PHACTR2: variants seen among roughly 807,000 people sequenced by gnomAD.
PHACTR2 encodes the protein phosphatase and actin regulator 2, also known as chromosome 6 open reading frame 56.
Under a neutral mutation model 76.0 loss-of-function variants are expected in PHACTR2, and 30 were observed. That is an observed-to-expected ratio of 0.39 (90% CI 0.30 to 0.54). PHACTR2 has a LOEUF of 0.54. Among genes scored for constraint, PHACTR2 ranks in the 20% least tolerant of loss-of-function variants. PHACTR2 has a pLI of 0.61. For missense variants in PHACTR2, 696 were observed against 781.1 expected, an observed-to-expected ratio of 0.89 and a Z score of 1.30; for synonymous variants, 292 against 292.5, an observed-to-expected ratio of 1.00 and a Z score of 0.02.
At chr6:143,744,406 G>A (rs951442510) in intron 2 of PHACTR2, among the ~76,000 whole-genome samples, 12 of 152,324 alleles carry the variant, frequency 7.9e-5, no homozygotes, top group African/African-American at 2.6e-4. Flanking sequence ...ACAGCAGTAA[G>A]CAAAACAGAA....
chr6:143,681,756 T>G (rs6916245), intron 1 of PHACTR2, among the ~76,000 whole-genome samples: 64,565 of 152,108 alleles, frequency 0.42, 13,730 homozygotes, highest in South Asian at 0.55. Flanking sequence ...TGAGTTAATT[T>G]TTATGTATGG....
upstream of PHACTR2, among the ~76,000 whole-genome samples, chr6:143,673,150 C>T (rs1240426657): frequency 2.6e-5 from 4 of 152,130 alleles, no homozygotes; most frequent in Non-Finnish European, 2.9e-5. Context: ...TATCCTTATG[C>T]CCATGTGCTA....
chr6:143,781,750 A>T (rs1775438675), intron 9 of PHACTR2, among the ~76,000 whole-genome samples: 1 of 152,226 alleles, frequency 6.6e-6, no homozygotes, highest in African/African-American at 2.4e-5. Flanking sequence ...ATGAAAGGAT[A>T]TATATTTTGT....
rs1482907710 is a variant in PHACTR2, at chr6:143,765,522, C to T, written c.956C>T (p.Thr319Ile). Residue 319 changes from threonine to isoleucine, a missense_variant, in exon 6 of 13, where the codon ACT becomes ATT. This residue lies in a region of PHACTR2 where 460 missense variants were observed against 450.9 expected (regional missense o/e 1.02). Coordinates refer to ENST00000440869, the MANE Select transcript of PHACTR2 (RefSeq NM_001100164.2). The surrounding 1 kb of genome is among the most constrained non-coding windows in gnomAD (Gnocchi z 4.1). ...TRVESFKLEQ[T>I]VPGAEEQNTG... ...GTGGAGAGTTTCAAACTCGAACAGACTGTCCCTGGAGCTGAGGAGCAGAAC... is the reference window on the plus strand; with the variant it reads ...GTGGAGAGTTTCAAACTCGAACAGATTGTCCCTGGAGCTGAGGAGCAGAAC... 6.2e-7 allele frequency: 1 copy of T among 1,614,248 alleles called. No homozygotes were observed. The highest frequency in any genetic ancestry group is 1.7e-5 in the Admixed American group (1 of 60,030).
At position 143,557,218 on chromosome 6, in the gene PHACTR2, A is replaced by T. The variant is rs954446169; in HGVS notation, c.217+20011A>T. 6.6e-6 allele frequency among the ~76,000 whole-genome samples: 1 copy of T among 152,240 alleles called. No homozygotes were observed. Among genetic ancestry groups the T allele is most frequent in the Non-Finnish European group, 1.5e-5 (1 of 68,036 alleles). The stretch of plus-strand genomic sequence containing the variant: ...ATCATCATCATCACTAGTATTGCAG[A>T]GAAGTTTAAAAGGATTCTCATCTCT... On this transcript the variant is annotated intron_variant, in intron 1 of 11. Coordinates refer to the PHACTR2 transcript ENST00000367584. The surrounding 1 kb of genome is among the most constrained non-coding windows in gnomAD (Gnocchi z 5.5).
rs948944446 is a variant in PHACTR2, at chr6:143,828,037, C to G, written c.*4348C>G. 6.6e-6 allele frequency: 1 copy of G among 151,924 alleles called. No homozygotes were observed. Among genetic ancestry groups the G allele is most frequent in the Admixed American group, 6.6e-5 (1 of 15,256 alleles). The allele number at this position is 151,924 out of a possible 1,614,324, so 9.4% of individuals were successfully genotyped here. On this transcript the variant is annotated 3_prime_UTR_variant, in exon 13 of 13. Coordinates refer to ENST00000440869, the MANE Select transcript of PHACTR2 (RefSeq NM_001100164.2). The surrounding 1 kb of genome is among the most constrained non-coding windows in gnomAD (Gnocchi z 4.7). Reference sequence around the variant, plus strand: ...TGGTGGCTTGTGCCTGTAATCCCAGCTACTTGGGAGGCTGAGGCAGGGAAA... The same window carrying G: ...TGGTGGCTTGTGCCTGTAATCCCAGGTACTTGGGAGGCTGAGGCAGGGAAA...
chr6:143,614,600 T>C (rs536498146), intron 1 of PHACTR2, among the ~76,000 whole-genome samples: 1 of 152,330 alleles, frequency 6.6e-6, no homozygotes, highest in South Asian at 2.1e-4. Flanking sequence ...TATGTACATT[T>C]CATGTACATG....
At chr6:143,568,256 C>T (rs1775390581) in intron 1 of PHACTR2, among the ~76,000 whole-genome samples, 1 of 152,194 alleles carries the variant, frequency 6.6e-6, no homozygotes, top group Non-Finnish European at 1.5e-5. Flanking sequence ...CCTGAGTTTT[C>T]TCCTCCATGA....
Position 143,627,748 on chromosome 6 carries a change from C to T in PHACTR2, c.13+19426C>T, listed in dbSNP as rs531884707. Among the ~76,000 whole-genome samples, 1 of 151,960 alleles carries T rather than the reference C, an allele frequency of 6.6e-6. No individual in the cohort carries two copies. The highest frequency in any genetic ancestry group is 2.4e-5 in the African/African-American group (1 of 41,364). Reference sequence around the variant, plus strand: ...TCTCTAGTAGCTGGGACTACAGGCTCGTACCGCCACGCCCAGCTAATTTTT... The same window carrying T: ...TCTCTAGTAGCTGGGACTACAGGCTTGTACCGCCACGCCCAGCTAATTTTT... On this transcript the variant is annotated intron_variant, in intron 1 of 11. Transcript: ENST00000305766. This position sits in a 1 kb window ranked among gnomAD's most constrained non-coding sequence, Gnocchi z 4.3.
At chr6:143,655,157 C>CAAAAAAAAAAAAAA (rs151076366) in intron 1 of PHACTR2, among the ~76,000 whole-genome samples, 3 of 99,098 alleles carry the variant, frequency 3.0e-5, no homozygotes, top group Non-Finnish European at 4.0e-5. Context: ...AACTCCGTCT[C>CAAAAAAAAAAAAAA]AAAAAAAAAA....
In PHACTR2 at chr6:143,765,438, C is replaced by T; in HGVS notation, c.872C>T (p.Ser291Phe). 8 of 1,614,222 alleles carry T rather than the reference C, an allele frequency of 5.0e-6. No homozygotes were observed. The highest frequency in any genetic ancestry group is 6.8e-6 in the Non-Finnish European group (8 of 1,180,036). ...TDKQPITSHL[S>F]SDTTTSGTSD... Reference sequence around the variant, plus strand: ...AAGCAGCCAATAACTTCTCACCTGTCCTCAGACACAACAACTTCTGGCACA... The same window carrying T: ...AAGCAGCCAATAACTTCTCACCTGTTCTCAGACACAACAACTTCTGGCACA... The change falls in exon 6 of 13, where the codon TCC (serine) becomes TTC (phenylalanine). Residue 291 changes from serine (S) to phenylalanine (F), a missense_variant. Around this residue, in one of 2 missense-constraint regions of PHACTR2, gnomAD observed 460 missense variants for 450.9 expected, o/e 1.02. Transcript: ENST00000440869. The surrounding 1 kb of genome is among the most constrained non-coding windows in gnomAD (Gnocchi z 4.1).
Position 143,556,906 on chromosome 6 carries a change from G to T in PHACTR2, c.217+19699G>T, listed in dbSNP as rs559191622. On this transcript the variant is annotated intron_variant, in intron 1 of 11. Coordinates refer to the PHACTR2 transcript ENST00000367584. The surrounding 1 kb of genome is among the most constrained non-coding windows in gnomAD (Gnocchi z 4.3). ...ACTAATAAAAATGATGCACAAAGACGTGAGAAGATATGCTGCCTGTCTGTC... is the reference window on the plus strand; with the variant it reads ...ACTAATAAAAATGATGCACAAAGACTTGAGAAGATATGCTGCCTGTCTGTC... Among the ~76,000 whole-genome samples, 2 of 152,168 alleles carry T rather than the reference G, an allele frequency of 1.3e-5. No homozygotes were observed. Among genetic ancestry groups the T allele is most frequent in the African/African-American group, 4.8e-5 (2 of 41,434 alleles).
At position 143,704,724 on chromosome 6, in the gene PHACTR2, A is replaced by C. The variant is rs548773670; in HGVS notation, c.47-7292A>C. ...AATGTCGTCTTTTTTTTGTTCCAGG[A>C]TGCATTCAGGATGCCATGTTACATG... On this transcript the variant is annotated intron_variant, in intron 1 of 12. Coordinates refer to ENST00000440869, the MANE Select transcript of PHACTR2 (RefSeq NM_001100164.2). Among the ~76,000 whole-genome samples, 280 of 152,184 alleles carry C rather than the reference A, an allele frequency of 1.8e-3. 1 individual carries two copies. Among genetic ancestry groups the C allele is most frequent in the African/African-American group, 6.3e-3 (262 of 41,522 alleles).
rs12111223 is a variant in PHACTR2, at chr6:143,618,283, A to G, written c.13+9961A>G. On this transcript the variant is annotated intron_variant, in intron 1 of 11. Coordinates refer to the PHACTR2 transcript ENST00000305766. The surrounding 1 kb of genome is among the most constrained non-coding windows in gnomAD (Gnocchi z 5.2). Reference sequence around the variant, plus strand: ...CACACACACACACACACACACACACACACGCACACTCCAGAATGAGTTTCA... The same window carrying G: ...CACACACACACACACACACACACACGCACGCACACTCCAGAATGAGTTTCA... Among the ~76,000 whole-genome samples the G allele has an allele frequency of 2.6e-4, 39 of 147,468 alleles. No individual in the cohort carries two copies. The highest frequency in any genetic ancestry group is 6.9e-4 in the African/African-American group (28 of 40,790).
At chr6:143,637,609 A>T (rs1272221795) in intron 1 of PHACTR2, among the ~76,000 whole-genome samples, 1 of 152,234 alleles carries the variant, frequency 6.6e-6, no homozygotes, top group African/African-American at 2.4e-5. Context: ...GTCTTCTGCA[A>T]GGCTACACTT....
At position 143,825,285 on chromosome 6, in the gene PHACTR2, G is replaced by A. The variant is rs1487000773; in HGVS notation, c.*1596G>A. 2 of 152,194 alleles carry A rather than the reference G, an allele frequency of 1.3e-5. No homozygotes were observed. The highest frequency in any genetic ancestry group is 2.9e-5 in the Non-Finnish European group (2 of 68,042). 9.4% of individuals were successfully genotyped at this position (152,194 alleles called of 1,614,324 possible). Reference sequence around the variant, plus strand: ...CCGAAAAGTAAGCATTTAACCCGGTGAATAAATGTAGATCCTGCCATTCAT... The same window carrying A: ...CCGAAAAGTAAGCATTTAACCCGGTAAATAAATGTAGATCCTGCCATTCAT... On this transcript the variant is annotated 3_prime_UTR_variant, in exon 13 of 13. Transcript: ENST00000440869. The surrounding 1 kb of genome is among the most constrained non-coding windows in gnomAD (Gnocchi z 4.1).
chr6:143,635,170 A>G (rs543655931), intron 1 of PHACTR2, among the ~76,000 whole-genome samples: 3 of 152,322 alleles, frequency 2.0e-5, no homozygotes, highest in Admixed American at 6.5e-5. Flanking sequence ...TAGATTATAC[A>G]TATTGTTACA....
At chr6:143,564,673 C>T (rs1320638589) in intron 1 of PHACTR2, among the ~76,000 whole-genome samples, 6 of 152,208 alleles carry the variant, frequency 3.9e-5, no homozygotes, top group Non-Finnish European at 2.9e-5. Context: ...TGTAAGGGCT[C>T]AGCACCCTGA....
rs188414876 is a variant in PHACTR2, at chr6:143,823,602, G to A, written c.1923-72G>A. 3.5e-5 allele frequency: 41 copies of A among 1,156,536 alleles called. No homozygotes were observed. The highest frequency in any genetic ancestry group is 5.1e-5 in the Admixed American group (3 of 58,756). 71.6% of individuals were successfully genotyped at this position (1,156,536 alleles called of 1,614,324 possible). On this transcript the variant is annotated intron_variant, in intron 12 of 12. Transcript: ENST00000440869. This position sits in a 1 kb window ranked among gnomAD's most constrained non-coding sequence, Gnocchi z 5.7. The stretch of plus-strand genomic sequence containing the variant: ...ACCTTTTCATTGTAAACATGACCAC[G>A]CCTTATTCAGCTCACTGCATGCAGA...
Sources: allele counts gnomAD v4.1 joint callset (sites outside exome capture counted in the v4.1 genomes callset), GRCh38; gene constraint gnomAD v4.1.1; regional missense constraint gnomAD v4.1.1; non-coding constraint Gnocchi (gnomAD v3.1); transcripts MANE v1.5; gene names NCBI Gene and HGNC (gene_info 2026-07-23, HGNC 2026-07-21).